The following DNAJC3 variants were observed in gnomAD, a reference collection of about 807,000 sequenced individuals.
DNAJC3 encodes the protein dnaJ homolog subfamily C member 3.
Under a neutral mutation model 68.6 loss-of-function variants are expected in DNAJC3, and 38 were observed. The ratio of observed to expected loss-of-function variants is 0.55; its 90% CI spans 0.43 to 0.73. The LOEUF is 0.73. Ranked by LOEUF, DNAJC3 falls within the 30% of genes least tolerant of loss-of-function variation. The pLI, the probability that DNAJC3 is intolerant of heterozygous loss-of-function variation, is 0.00. For missense variants in DNAJC3, 526 were observed against 591.9 expected (o/e 0.89, Z 1.16); for synonymous variants, 203 against 204.0 (o/e 1.00, Z 0.04).
intron 1 of DNAJC3, among the ~76,000 whole-genome samples, chr13:95,678,758 A>G (rs1404134584): frequency 2.6e-5 from 4 of 151,934 alleles, no homozygotes; most frequent in Non-Finnish European, 4.4e-5. Flanking sequence ...GAGATGCACA[A>G]TTTTGAATGA....
chr13:95,790,800 C>A, intron 11 of DNAJC3, 73 bp from the exon 12 acceptor site: 13 of 1,466,480 alleles, frequency 8.9e-6, no homozygotes, highest in South Asian at 1.2e-5. Context: ...CCCTCCTCTG[C>A]CCAAAGAAAA....
intron 2 of DNAJC3, among the ~76,000 whole-genome samples, chr13:95,721,618 G>A (rs1347705852): frequency 6.7e-6 from 1 of 150,116 alleles, no homozygotes. Flanking sequence ...TAATGGGTGT[G>A]AATTGGTATC....
chr13:95,677,396 TC>T, intron 1 of DNAJC3, 59 bp downstream of exon 1: 1 of 1,502,600 alleles, frequency 6.7e-7, no homozygotes, highest in Non-Finnish European at 9.0e-7. Context: ...CCCCGCGCTT[TC>T]CCGTCTGCGC....
intron 4 of DNAJC3, chr13:95,742,997 A>G (rs1208884725): frequency 2.5e-6 from 1 of 404,684 alleles, no homozygotes; most frequent in Non-Finnish European, 4.9e-6. Flanking sequence ...TTTTGCCTTT[A>G]GGTATCAGAT....
intron 6 of DNAJC3, 40 bp downstream of exon 6, chr13:95,760,261 G>C: frequency 6.9e-7 from 1 of 1,438,888 alleles, no homozygotes; most frequent in Non-Finnish European, 9.2e-7. Context: ...TTTTTTAATT[G>C]TTGGCAGTAA....
rs534900131 is a variant in DNAJC3 at position 95,771,582 on chromosome 13, G to A, written c.1075+7629G>A. Among the ~76,000 whole-genome samples the A allele has an allele frequency of 9.9e-5, 15 of 152,152 alleles. No homozygotes were observed. The South Asian group carries it at 3.1e-3, about 32-fold the overall frequency. On this transcript the variant is annotated intron_variant, in intron 9 of 11. Transcript: ENST00000602402. ...AGTGTGACAGATATTGGTGGGGAGG[G>A]GTTTCCCTAAACTGATTTAGCAGGA...
In DNAJC3 at chr13:95,727,902, C is replaced by T. The variant is rs544688891; in HGVS notation, c.393+2650C>T. Among the ~76,000 whole-genome samples the T allele has an allele frequency of 1.3e-3, 191 of 152,294 alleles. 2 individuals carry two copies. The highest frequency in any genetic ancestry group is 6.8e-3 in the Middle Eastern group (2 of 294). The stretch of plus-strand genomic sequence containing the variant: ...TGTAACCATACCAATTTCCATCCCA[C>T]CCTGCTCTGGCCCCCTAGTCATACT... On this transcript the variant is annotated intron_variant, in intron 4 of 11. Coordinates refer to ENST00000602402, the MANE Select transcript of DNAJC3 (RefSeq NM_006260.5).
intron 9 of DNAJC3, among the ~76,000 whole-genome samples, chr13:95,773,731 C>CTCTTTTTT (rs1359420907): frequency 5.7e-4 from 41 of 71,332 alleles, no homozygotes; most frequent in African/African-American, 2.2e-3. Context: ...TTTTGTTGGT[C>CTCTTTTTT]TTTTTTTTTT....
In DNAJC3 at chr13:95,765,542, A is replaced by G. The variant is rs150124656; in HGVS notation, c.1075+1589A>G. Among the ~76,000 whole-genome samples, 106 of 148,134 alleles carry G rather than the reference A, an allele frequency of 7.2e-4. 2 individuals carry two copies. In the East Asian group the frequency reaches 0.021, roughly 29 times the overall value. On this transcript the variant is annotated intron_variant, in intron 9 of 11. Coordinates refer to ENST00000602402, the MANE Select transcript of DNAJC3 (RefSeq NM_006260.5). Reference sequence around the variant, plus strand: ...TTAATTCTGGAAGAAAAAGATGCTTAGTGCTAATTTAATATAATTGATCTG... The same window carrying G: ...TTAATTCTGGAAGAAAAAGATGCTTGGTGCTAATTTAATATAATTGATCTG...
Position 95,757,756 on chromosome 13 carries a change from AT to A in DNAJC3, c.508del (p.Tyr170IlefsTer5). 1 of 1,566,840 alleles carries A rather than the reference AT, an allele frequency of 6.4e-7. No individual in the cohort carries two copies. Among genetic ancestry groups the A allele is most frequent in the Non-Finnish European group, 8.7e-7 (1 of 1,144,026 alleles). Reference protein sequence around the residue: ...SQALNAFGSGDYTAAIAFLDK... With the variant: ...SQALNAFGSGXYTAAIAFLDK... ...GCACTTAACGCTTTTGGAAGTGGAGATTATACTGCTGCTATAGCCTTCCTTG... is the reference window on the plus strand; with the variant it reads ...GCACTTAACGCTTTTGGAAGTGGAGATATACTGCTGCTATAGCCTTCCTTG... On this transcript the variant is annotated frameshift_variant, in exon 5 of 12. Coordinates refer to ENST00000602402, the MANE Select transcript of DNAJC3 (RefSeq NM_006260.5). LOFTEE classifies it high-confidence loss of function.
At chr13:95,712,374 CTTTT>C (rs71113952) in intron 2 of DNAJC3, among the ~76,000 whole-genome samples, 5 of 135,200 alleles carry the variant, frequency 3.7e-5, no homozygotes, top group Non-Finnish European at 4.7e-5. Context: ...ATGCTTTTTT[CTTTT>C]TTTTTTTTTT....
At position 95,700,732 on chromosome 13, in the gene DNAJC3, C is replaced by T. The variant is rs905001976; in HGVS notation, c.83-8495C>T. Among the ~76,000 whole-genome samples, 3 of 152,122 alleles carry T rather than the reference C, an allele frequency of 2.0e-5. No homozygotes were observed. The South Asian group carries it at 6.2e-4, about 31-fold the overall frequency. ...GACTCCTGCTTTTTCTGTACTTGAC[C>T]TCCATATCTAGCCTGTTGATATAAG... On this transcript the variant is annotated intron_variant, in intron 1 of 11. Coordinates refer to ENST00000602402, the MANE Select transcript of DNAJC3 (RefSeq NM_006260.5).
chr13:95,702,062 T>C (rs1467857735), intron 1 of DNAJC3, among the ~76,000 whole-genome samples: 1 of 152,204 alleles, frequency 6.6e-6, no homozygotes, highest in African/African-American at 2.4e-5. Flanking sequence ...ATAACACCAG[T>C]ATACATGGCC....
At chr13:95,729,203 T>G (rs11619919) in intron 4 of DNAJC3, among the ~76,000 whole-genome samples, 2 of 113,982 alleles carry the variant, frequency 1.8e-5, no homozygotes, top group African/African-American at 3.2e-5. Flanking sequence ...CTCTCTCTCT[T>G]TCTCTCTCTC....
At chr13:95,777,379 C>CT (rs951136647) in intron 9 of DNAJC3, among the ~76,000 whole-genome samples, 1 of 152,124 alleles carries the variant, frequency 6.6e-6, no homozygotes, top group African/African-American at 2.4e-5. Context: ...CCCAGTGCAC[C>CT]TTTTCAGTCT....
At chr13:95,704,849 G>GTTTTTTTTTTTTTTTTTTTTTT (rs1292968162) in intron 1 of DNAJC3, among the ~76,000 whole-genome samples, 2 of 102,872 alleles carry the variant, frequency 1.9e-5, no homozygotes, top group African/African-American at 1.5e-4. Context: ...CTGTGTGTGT[G>GTTTTTTTTTTTTTTTTTTTTTT]TGTTTTTTTT....
At chr13:95,687,389 C>T (rs1472177848) in intron 1 of DNAJC3, among the ~76,000 whole-genome samples, 2 of 152,170 alleles carry the variant, frequency 1.3e-5, no homozygotes, top group Admixed American at 6.5e-5. Context: ...TAACTTTAGC[C>T]AGGACTTCCA....
At chr13:95,771,797 C>T (rs1883166095) in intron 9 of DNAJC3, among the ~76,000 whole-genome samples, 1 of 151,772 alleles carries the variant, frequency 6.6e-6, no homozygotes, top group South Asian at 2.1e-4. Context: ...CCCATCCCAC[C>T]CCCCCACAGG....
In DNAJC3 at chr13:95,793,722, A is replaced by G. The variant is rs1883869321; in HGVS notation, c.*2692A>G. The stretch of plus-strand genomic sequence containing the variant: ...TGTGATCTGCCCGCCTTGGCCTTCC[A>G]AAGTGTTGGGATTACAGGCGTGAGC... On this transcript the variant is annotated 3_prime_UTR_variant, in exon 12 of 12. Coordinates refer to ENST00000602402, the MANE Select transcript of DNAJC3 (RefSeq NM_006260.5). The G allele has an allele frequency of 6.6e-6, 1 of 151,944 alleles. No homozygotes were observed. Among genetic ancestry groups the G allele is most frequent in the Non-Finnish European group, 1.5e-5 (1 of 68,040 alleles). The allele number at this position is 151,944 out of a possible 1,614,324, so 9.4% of individuals were successfully genotyped here.
Sources: allele counts gnomAD v4.1 joint callset (sites outside exome capture counted in the v4.1 genomes callset), GRCh38; gene constraint gnomAD v4.1.1; transcripts MANE v1.5; gene names NCBI Gene and HGNC (gene_info 2026-07-23, HGNC 2026-07-21).